The following LCA5 variants were observed in gnomAD, a reference collection of about 807,000 sequenced individuals.
LCA5 encodes lebercilin LCA5, also known as lebercilin.
Under a neutral mutation model 53.0 loss-of-function variants are expected in LCA5, and 37 were observed. The ratio of observed to expected loss-of-function variants is 0.70; its 90% confidence interval spans 0.54 to 0.92. The LOEUF is 0.92. LCA5 is among the 40% of genes least tolerant of loss of function. The pLI, the probability that LCA5 is intolerant of heterozygous loss-of-function variation, is 0.00. For missense variants in LCA5, 806 were observed against 790.5 expected (o/e 1.02, Z -0.23); for synonymous variants, 303 against 282.9 (o/e 1.07, Z -0.71).
At chr6:79,523,414 C>T (rs1291899607) in intron 1 of LCA5, among the ~76,000 whole-genome samples, 1 of 152,092 alleles carries the variant, frequency 6.6e-6, no homozygotes, top group Non-Finnish European at 1.5e-5. Context: ...GTTTACCTCT[C>T]AATGTAAGTC....
In LCA5 at chr6:79,513,735, C is replaced by T. The variant is rs35338066; in HGVS notation, c.197G>A (p.Arg66Gln). ...TGGTAGACCCTTAGGGCTTGGTTTC[C>T]GAGGGGCTAAAAAAGAAACAGGAAT... ...SDGQVHHQAP[R>Q]KPSPKGLPNR... The change falls in exon 3 of 8, where the codon CGG becomes CAG. Residue 66 changes from arginine (R) to glutamine (Q), a missense_variant. By Grantham distance (43) the Arg-to-Gln change is conservative. Transcript: ENST00000369846. 3.7e-3 allele frequency: 5,912 copies of T among 1,613,240 alleles called. 182 individuals carry two copies. The African/African-American group carries it at 0.068, about 19-fold the overall frequency.
chr6:79,487,535 C>G lies in LCA5; in HGVS notation c.1563G>C (p.Gly521=), dbSNP rs1195425876. The G allele has an allele frequency of 6.2e-7, 1 of 1,613,930 alleles. No individual in the cohort carries two copies. Among genetic ancestry groups the G allele is most frequent in the South Asian group, 1.1e-5 (1 of 91,068 alleles). Residue 521 remains glycine (G), a synonymous_variant, in exon 8 of 8, where the codon GGG becomes GGC. Transcript: ENST00000369846. The stretch of plus-strand genomic sequence containing the variant: ...AGAAACTGATGTCTTGCAAATGATG[C>G]CCATTAAATAATCTCTCTGAGGATT... ...FSESSERLFN[G]HHLQDISFST...
At chr6:79,525,503 CA>C (rs1766758234) in intron 1 of LCA5, among the ~76,000 whole-genome samples, 1 of 152,174 alleles carries the variant, frequency 6.6e-6, no homozygotes, top group African/African-American at 2.4e-5. Context: ...GCCAGCCAAA[CA>C]AAAATTTCCA....
chr6:79,513,337 T>G lies in LCA5; in HGVS notation c.595A>C (p.Thr199Pro), dbSNP rs775866690. ...TTCAGTTTCTGTAAGGAAAATTTTG[T>G]CCTAAATAGTTCACTTTCTGTATCT... The part of the protein sequence containing the change: ...VKDTESELFR[T>P]KFSLQKLKEI... The change falls in exon 3 of 8, where the codon ACA (threonine) becomes CCA (proline). Residue 199 changes from threonine (T) to proline (P), a missense_variant. By Grantham distance (38) the Thr-to-Pro change is conservative. Coordinates refer to ENST00000369846, the MANE Select transcript of LCA5 (RefSeq NM_001122769.3). 1.2e-6 allele frequency: 2 copies of G among 1,613,938 alleles called. No homozygotes were observed. The highest frequency in any genetic ancestry group is 2.2e-5 in the South Asian group (2 of 91,066).
chr6:79,502,142 A>G (rs1288148512), intron 3 of LCA5, among the ~76,000 whole-genome samples: 1 of 152,030 alleles, frequency 6.6e-6, no homozygotes, highest in African/African-American at 2.4e-5. Context: ...GCCTTTTTTC[A>G]CTTTCTCACT....
At chr6:79,537,473 A>T (rs1296587694), upstream of LCA5, 7 of 152,222 alleles carry the variant, frequency 4.6e-5, no homozygotes, top group African/African-American at 1.7e-4. Flanking sequence ...ACTCTACCCG[A>T]GCTCCCATTG....
At chr6:79,489,717 C>T (rs1045219350) in intron 6 of LCA5, among the ~76,000 whole-genome samples, 5 of 151,864 alleles carry the variant, frequency 3.3e-5, no homozygotes, top group South Asian at 2.1e-4. Context: ...CCTATGGTAA[C>T]GTTCAAATAT....
intron 3 of LCA5, among the ~76,000 whole-genome samples, chr6:79,502,932 G>C (rs535833274): frequency 6.6e-6 from 1 of 152,202 alleles, no homozygotes; most frequent in Non-Finnish European, 1.5e-5. Context: ...GTAGGCTGGA[G>C]TGCAGTGGCA....
chr6:79,513,789 A>G (rs1024441154), intron 2 of LCA5, 48 bp from the exon 3 acceptor site: 2 of 1,573,024 alleles, frequency 1.3e-6, no homozygotes, highest in Non-Finnish European at 1.7e-6. Flanking sequence ...TACCAAACAC[A>G]GTGTTATTTG....
At chr6:79,496,354 T>A (rs1302381686) in intron 3 of LCA5, among the ~76,000 whole-genome samples, 1 of 152,216 alleles carries the variant, frequency 6.6e-6, no homozygotes, top group Non-Finnish European at 1.5e-5. Context: ...CCAGTGTCTA[T>A]ACAAAGACTT....
At chr6:79,533,295 C>G (rs1376058100) in intron 1 of LCA5, among the ~76,000 whole-genome samples, 4 of 152,008 alleles carry the variant, frequency 2.6e-5, no homozygotes, top group Admixed American at 2.6e-4. Flanking sequence ...TGTAGTTCTG[C>G]AACTAATTTA....
intron 2 of LCA5, among the ~76,000 whole-genome samples, chr6:79,515,571 G>T (rs1766403213): frequency 6.6e-6 from 1 of 152,008 alleles, no homozygotes; most frequent in African/African-American, 2.4e-5. Flanking sequence ...TTGAAAGTCT[G>T]CTAAGAATAA....
At chr6:79,521,881 T>G (rs1766635638) in intron 1 of LCA5, among the ~76,000 whole-genome samples, 3 of 152,188 alleles carry the variant, frequency 2.0e-5, no homozygotes, top group Admixed American at 2.0e-4. Context: ...TATCAGATAC[T>G]ACTGATGGAG....
Position 79,497,193 on chromosome 6 carries a change from A to G in LCA5, c.721-3443T>C, listed in dbSNP as rs577589143. Among the ~76,000 whole-genome samples the G allele has an allele frequency of 3.9e-5, 6 of 152,338 alleles. No individual in the cohort carries two copies. The South Asian group carries it at 1.0e-3, about 26-fold the overall frequency. On this transcript the variant is annotated intron_variant, in intron 3 of 7. Coordinates refer to ENST00000369846, the MANE Select transcript of LCA5 (RefSeq NM_001122769.3). ...CATCATGATAAATACCGGATCAGAA[A>G]AGAATCATCAACGGATGCTAAATTT...
intron 3 of LCA5, 56 bp from the exon 4 acceptor site, chr6:79,493,806 A>G (rs940849233): frequency 3.6e-5 from 49 of 1,342,464 alleles, no homozygotes; most frequent in Non-Finnish European, 4.2e-6. Context: ...ACAATGAAAC[A>G]TAACACATGG....
chr6:79,519,578 G>A (rs1288901741), intron 1 of LCA5, among the ~76,000 whole-genome samples: 1 of 151,754 alleles, frequency 6.6e-6, no homozygotes, highest in African/African-American at 2.4e-5. Context: ...TTAGCTGGGC[G>A]TGGTGGCACA....
intron 5 of LCA5, 106 bp from the exon 6 acceptor site, chr6:79,491,836 A>C: frequency 1.1e-6 from 1 of 903,084 alleles, no homozygotes; most frequent in Non-Finnish European, 1.8e-6. Context: ...TTGCATATAC[A>C]TGTACATTTA....
At chr6:79,501,000 G>A (rs1289366249) in intron 3 of LCA5, among the ~76,000 whole-genome samples, 3 of 151,992 alleles carry the variant, frequency 2.0e-5, no homozygotes. Flanking sequence ...TTACCTCTTA[G>A]GACAAAGGTA....
chr6:79,513,149 C>T (rs777995049), intron 3 of LCA5, 63 bp downstream of exon 3: 4 of 1,446,908 alleles, frequency 2.8e-6, no homozygotes, highest in Admixed American at 3.4e-5. Context: ...TTTAAGAGAG[C>T]ACATTAAATG....
Sources: allele counts gnomAD v4.1 joint callset (sites outside exome capture counted in the v4.1 genomes callset), GRCh38; gene constraint gnomAD v4.1.1; transcripts MANE v1.5; gene names NCBI Gene and HGNC (gene_info 2026-07-23, HGNC 2026-07-21).